Variants in MOGAT1 observed in about 807,000 individuals in gnomAD.
The protein encoded by MOGAT1 is monoacylglycerol O-acyltransferase 1.
In MOGAT1, 32 loss-of-function variants were observed where a neutral mutation model predicts 31.4. The observed-to-expected ratio is 1.02, with a 90% CI of 0.77 to 1.37. The LOEUF is 1.37. Among genes scored for constraint, MOGAT1 ranks in the 40% most tolerant of loss-of-function variants. The pLI is 0.00. For synonymous variants in MOGAT1, 145 were observed against 144.5 expected (o/e 1.00, Z -0.03); for missense variants, 426 against 402.0 (o/e 1.06, Z -0.51).
intron 5 of MOGAT1, among the ~76,000 whole-genome samples, chr2:222,703,040 ATG>A (rs973289887): frequency 1.3e-5 from 2 of 152,186 alleles, no homozygotes; most frequent in Non-Finnish European, 2.9e-5. Context: ...GGGCCTGAGA[ATG>A]AAGTTGACAT....
chr2:222,675,255 G>C (rs1692478876), intron 1 of MOGAT1, among the ~76,000 whole-genome samples: 1 of 152,174 alleles, frequency 6.6e-6, no homozygotes, highest in Admixed American at 6.5e-5. Flanking sequence ...TTCTGGGCAA[G>C]ACTTCTTCCC....
At chr2:222,673,672 G>C (rs1269103601) in intron 1 of MOGAT1, among the ~76,000 whole-genome samples, 1 of 152,226 alleles carries the variant, frequency 6.6e-6, no homozygotes. Context: ...CCACTAAACT[G>C]CTCTCTTAAA....
intron 1 of MOGAT1, among the ~76,000 whole-genome samples, chr2:222,674,609 C>T (rs1196188253): frequency 6.6e-6 from 1 of 152,152 alleles, no homozygotes; most frequent in African/African-American, 2.4e-5. Flanking sequence ...CTCCACCCTC[C>T]ACCCTCATGT....
rs751122805 is a variant in MOGAT1 at position 222,695,329 on chromosome 2, G to C, written c.853+41G>C. ...AACTACAACTATTAGCTTACTTTAA[G>C]CAATGTTTCTTGTTATTGATTGAGG... is the stretch of plus-strand genomic sequence containing the variant. On this transcript the variant is annotated intron_variant, in intron 5 of 5. Transcript: ENST00000446656. 5.1e-5 allele frequency: 71 copies of C among 1,380,680 alleles called. 1 individual carries two copies. In the South Asian group the frequency reaches 9.6e-4, roughly 19 times the overall value. 85.5% of individuals were successfully genotyped at this position (1,380,680 alleles called of 1,614,324 possible).
intron 5 of MOGAT1, chr2:222,699,384 A>G (rs1692884590): frequency 6.5e-6 from 1 of 153,136 alleles, no homozygotes; most frequent in African/African-American, 2.4e-5. Context: ...TGTGTACTCC[A>G]GCTTTGTTGC....
At chr2:222,702,212 T>C (rs1037003905) in intron 5 of MOGAT1, among the ~76,000 whole-genome samples, 17 of 152,090 alleles carry the variant, frequency 1.1e-4, no homozygotes, top group African/African-American at 4.1e-4. Context: ...AATATCAGTG[T>C]CATAAGAGAC....
chr2:222,682,260 G>A (rs1378094763), intron 1 of MOGAT1, among the ~76,000 whole-genome samples: 1 of 152,138 alleles, frequency 6.6e-6, no homozygotes, highest in African/African-American at 2.4e-5. Context: ...AGAATTTTCT[G>A]TATAATCAAA....
intron 5 of MOGAT1, among the ~76,000 whole-genome samples, chr2:222,701,563 GA>G (rs1231182368): frequency 9.7e-6 from 1 of 103,328 alleles, no homozygotes; most frequent in Admixed American, 1.1e-4. Context: ...GAAAGAAAGA[GA>G]AAGAAAGAAA....
intron 5 of MOGAT1, among the ~76,000 whole-genome samples, chr2:222,703,390 TTTTG>T (rs369248398): frequency 1.0e-3 from 158 of 152,236 alleles, no homozygotes; most frequent in African/African-American, 2.3e-3. Context: ...CTGAGGGTTT[TTTTG>T]TTTGTTTGTT....
intron 1 of MOGAT1, among the ~76,000 whole-genome samples, chr2:222,685,301 G>A (rs933108817): frequency 6.6e-6 from 1 of 152,110 alleles, no homozygotes; most frequent in African/African-American, 2.4e-5. Flanking sequence ...TACCAGTTCT[G>A]TGCCAGGAAC....
intron 5 of MOGAT1, 46 bp from the exon 6 acceptor site, chr2:222,709,690 G>T: frequency 6.3e-7 from 1 of 1,584,272 alleles, no homozygotes; most frequent in Non-Finnish European, 8.6e-7. Flanking sequence ...GGTCTGTGGT[G>T]GAGTGGTTTT....
intron 2 of MOGAT1, 137 bp downstream of exon 2, chr2:222,688,659 A>C: frequency 1.5e-6 from 1 of 649,118 alleles, no homozygotes; most frequent in East Asian, 2.9e-5. Flanking sequence ...AGAATACCAA[A>C]GACTAGGTAA....
chr2:222,689,569 T>A, intron 3 of MOGAT1, 100 bp downstream of exon 3: 1 of 1,129,490 alleles, frequency 8.9e-7, no homozygotes, highest in East Asian at 2.4e-5. Context: ...TCTCTTAGAG[T>A]AAAACCTGTT....
intron 3 of MOGAT1, 123 bp from the exon 4 acceptor site, chr2:222,694,239 C>A (rs1258958180): frequency 1.4e-5 from 12 of 833,514 alleles, no homozygotes; most frequent in Non-Finnish European, 1.8e-5. Context: ...TTACAAAGTG[C>A]TCCAAAGGTA....
At chr2:222,686,445 G>A (rs755404971) in intron 1 of MOGAT1, among the ~76,000 whole-genome samples, 5 of 152,162 alleles carry the variant, frequency 3.3e-5, no homozygotes, top group Non-Finnish European at 4.4e-5. Flanking sequence ...CAAACTTTGA[G>A]TACAAAAGAA....
intron 3 of MOGAT1, among the ~76,000 whole-genome samples, chr2:222,693,978 A>C (rs1692804055): frequency 6.6e-6 from 1 of 152,206 alleles, no homozygotes; most frequent in Non-Finnish European, 1.5e-5. Context: ...GCCATGATAA[A>C]TATCAAGGCC....
At chr2:222,694,669 G>A (rs1159172616) in intron 4 of MOGAT1, 133 bp downstream of exon 4, 11 of 846,258 alleles carry the variant, frequency 1.3e-5, no homozygotes, top group Non-Finnish European at 2.0e-5. Flanking sequence ...AGCAGGTGTG[G>A]ATGTTCTTGG....
In MOGAT1 at chr2:222,695,307, T is replaced by A; in HGVS notation, c.853+19T>A. Reference sequence around the variant, plus strand: ...ACTGTTGGTATGTACATAAAATAACTACAACTATTAGCTTACTTTAAGCAA... The same window carrying A: ...ACTGTTGGTATGTACATAAAATAACAACAACTATTAGCTTACTTTAAGCAA... On this transcript the variant is annotated intron_variant, in intron 5 of 5. Transcript: ENST00000446656. 6.6e-7 allele frequency: 1 copy of A among 1,520,394 alleles called. No homozygotes were observed. Among genetic ancestry groups the A allele is most frequent in the Non-Finnish European group, 9.0e-7 (1 of 1,107,566 alleles). 94.2% of individuals were successfully genotyped at this position (1,520,394 alleles called of 1,614,324 possible). A position where few individuals can be genotyped will look rare whatever the true frequency, so the allele number is the denominator to read the frequency against.
chr2:222,686,154 C>A (rs576948059), intron 1 of MOGAT1, among the ~76,000 whole-genome samples: 1 of 152,272 alleles, frequency 6.6e-6, no homozygotes, highest in South Asian at 2.1e-4. Context: ...TGCTTAAGCA[C>A]CTGTAATAAG....
Sources: allele counts gnomAD v4.1 joint callset (sites outside exome capture counted in the v4.1 genomes callset), GRCh38; gene constraint gnomAD v4.1.1; transcripts MANE v1.5; gene names NCBI Gene and HGNC (gene_info 2026-07-23, HGNC 2026-07-21).